The following ASCC1 variants were observed in gnomAD, a reference collection of about 807,000 sequenced individuals.
The protein encoded by ASCC1 is activating signal cointegrator 1 complex subunit 1, also known as ASC-1 complex subunit P50.
A neutral mutation model predicts 46.6 loss-of-function variants in ASCC1; 35 were observed. The observed-to-expected ratio is 0.75, with a 90% CI of 0.57 to 0.99. The LOEUF is 0.99. ASCC1 is among the 50% of genes least tolerant of loss of function. The pLI, the probability that ASCC1 is intolerant of heterozygous loss-of-function variation, is 0.00. For missense variants in ASCC1, 376 were observed against 428.7 expected, an observed-to-expected ratio of 0.88 and a Z score of 1.09; for synonymous variants, 143 against 146.6, an observed-to-expected ratio of 0.98 and a Z score of 0.18.
chr10:72,216,146 G>A (rs1371358850), intron 1 of ASCC1, 61 bp downstream of exon 1: 1 of 152,850 alleles, frequency 6.5e-6, no homozygotes, highest in Non-Finnish European at 1.5e-5. Flanking sequence ...GAGGTAAGAG[G>A]CCGAGGGGTC....
chr10:72,130,181 G>T (rs1279634107), intron 8 of ASCC1, among the ~76,000 whole-genome samples: 1 of 152,052 alleles, frequency 6.6e-6, no homozygotes, highest in Non-Finnish European at 1.5e-5. Context: ...TAGGCAAGTG[G>T]TGCCTAGGGC....
At chr10:72,108,287 G>A (rs1204763022) in intron 9 of ASCC1, among the ~76,000 whole-genome samples, 1 of 151,642 alleles carries the variant, frequency 6.6e-6, no homozygotes, top group Non-Finnish European at 1.5e-5. Context: ...ATGTTGCCCA[G>A]GCTGGTCTCA....
chr10:72,106,444 C>T (rs534007451), intron 9 of ASCC1, among the ~76,000 whole-genome samples: 1 of 152,332 alleles, frequency 6.6e-6, no homozygotes, highest in South Asian at 2.1e-4. Context: ...ATAGGAATAG[C>T]AAATGCATGC....
At chr10:72,103,586 T>C (rs1842034288) in intron 9 of ASCC1, among the ~76,000 whole-genome samples, 1 of 152,122 alleles carries the variant, frequency 6.6e-6, no homozygotes, top group African/African-American at 2.4e-5. Flanking sequence ...CAGGAAAGTC[T>C]CTCTCACCTT....
intron 5 of ASCC1, 28 bp downstream of exon 5, chr10:72,196,783 T>A (rs1855494497): frequency 1.9e-6 from 3 of 1,599,796 alleles, no homozygotes; most frequent in Non-Finnish European, 2.6e-6. Context: ...AACTTTTTTT[T>A]TAACCTTCTT....
rs765267945 is a variant in ASCC1 at position 72,210,767 on chromosome 10, G to C, written c.177C>G (p.Phe59Leu). ...AGCTGGGGGCCCTCAAAGTAGACCG[G>C]AATCCTTGTGGGGTCTGCTCCACCT... ...AYEVEQTPQGFRSTLRAPSLL... is the reference protein window; with the variant it reads ...AYEVEQTPQGLRSTLRAPSLL... The change falls in exon 3 of 10, where the codon TTC (phenylalanine) becomes TTG (leucine). Residue 59 changes from phenylalanine to leucine, a missense_variant. By Grantham distance (22) the Phe-to-Leu change is conservative (BLOSUM62 0). Coordinates refer to ENST00000672957, the MANE Select transcript of ASCC1 (RefSeq NM_001198800.3). The C allele has an allele frequency of 6.2e-7, 1 of 1,613,998 alleles. No individual in the cohort carries two copies. Among genetic ancestry groups the C allele is most frequent in the Admixed American group, 1.7e-5 (1 of 59,986 alleles).
At chr10:72,133,236 G>T in intron 7 of ASCC1, 55 bp from the exon 8 acceptor site, 3 of 1,579,720 alleles carry the variant, frequency 1.9e-6, no homozygotes, top group South Asian at 1.1e-5. Flanking sequence ...CTGAACATGC[G>T]ATTACCAATT....
chr10:72,173,234 A>C (rs1459987778), intron 5 of ASCC1, among the ~76,000 whole-genome samples: 1 of 151,964 alleles, frequency 6.6e-6, no homozygotes, highest in Non-Finnish European at 1.5e-5. Context: ...AGTCACTTTG[A>C]TATTCCATTG....
At position 72,151,660 on chromosome 10, in the gene ASCC1, C is replaced by G. The variant is rs563511996; in HGVS notation, c.746+1209G>C. Among the ~76,000 whole-genome samples, 3 of 152,094 alleles carry G rather than the reference C, an allele frequency of 2.0e-5. No homozygotes were observed. The South Asian group carries it at 6.2e-4, about 32-fold the overall frequency. The stretch of plus-strand genomic sequence containing the variant: ...AGTCTGTGCCAAGCACTATTTTAAG[C>G]ATTTTAAATAATTTAAGTAATTTAA... On this transcript the variant is annotated intron_variant, in intron 7 of 9. Coordinates refer to ENST00000672957, the MANE Select transcript of ASCC1 (RefSeq NM_001198800.3).
At chr10:72,179,463 G>A (rs904992354) in intron 5 of ASCC1, among the ~76,000 whole-genome samples, 1 of 152,148 alleles carries the variant, frequency 6.6e-6, no homozygotes, top group African/African-American at 2.4e-5. Flanking sequence ...TGTTTAACAG[G>A]ATATTTTTTT....
intron 9 of ASCC1, among the ~76,000 whole-genome samples, chr10:72,114,638 AAAAAG>A (rs1843299887): frequency 6.6e-6 from 1 of 152,002 alleles, no homozygotes; most frequent in African/African-American, 2.4e-5. Context: ...AAAAAAAAAA[AAAAAG>A]AAACATTTGC....
intron 9 of ASCC1, among the ~76,000 whole-genome samples, chr10:72,107,257 A>C (rs1842435772): frequency 6.6e-6 from 1 of 151,738 alleles, no homozygotes; most frequent in Non-Finnish European, 1.5e-5. Context: ...AGATCACTTT[A>C]TTGGGAGTTA....
intron 5 of ASCC1, among the ~76,000 whole-genome samples, chr10:72,177,127 C>G (rs61032735): frequency 1.3e-5 from 2 of 152,224 alleles, no homozygotes; most frequent in South Asian, 4.2e-4. Context: ...CATTTAATAA[C>G]TAGTGCATGA....
chr10:72,144,349 T>A (rs1423919130), intron 7 of ASCC1, among the ~76,000 whole-genome samples: 2 of 152,220 alleles, frequency 1.3e-5, no homozygotes, highest in African/African-American at 4.8e-5. Flanking sequence ...TTGCCTCATA[T>A]ATCTTTTTCC....
intron 5 of ASCC1, among the ~76,000 whole-genome samples, chr10:72,185,501 C>T (rs1564716705): frequency 6.6e-6 from 1 of 152,142 alleles, no homozygotes; most frequent in African/African-American, 2.4e-5. Flanking sequence ...CTATAACACA[C>T]ATGACTGACT....
chr10:72,173,916 G>A (rs532101860), intron 5 of ASCC1, among the ~76,000 whole-genome samples: 2 of 152,350 alleles, frequency 1.3e-5, no homozygotes, highest in Middle Eastern at 3.4e-3. Flanking sequence ...ACCCAGGCTG[G>A]CGCCTGAAAG....
chr10:72,190,031 C>T (rs1337579528), intron 5 of ASCC1: 22 of 758,504 alleles, frequency 2.9e-5, no homozygotes, highest in East Asian at 7.3e-5. Flanking sequence ...CTGGCAGTAC[C>T]GCCAGCTCTC....
intron 9 of ASCC1, among the ~76,000 whole-genome samples, chr10:72,116,950 T>C (rs192314609): frequency 6.6e-6 from 1 of 152,258 alleles, no homozygotes; most frequent in Non-Finnish European, 1.5e-5. Flanking sequence ...TTTTATTTTC[T>C]GCAATGGAGT....
At chr10:72,196,766 T>C (rs1160091715) in intron 5 of ASCC1, 45 bp downstream of exon 5, 14 of 1,558,314 alleles carry the variant, frequency 9.0e-6, no homozygotes, top group Non-Finnish European at 1.1e-5. Context: ...GTATTCTTTT[T>C]ATATTTAACT....
Sources: gnomAD v4.1 joint callset for allele counts (sites outside exome capture counted in the v4.1 genomes callset) on GRCh38, gnomAD v4.1.1 for gene constraint, MANE v1.5 for transcripts, NCBI Gene and HGNC (gene_info 2026-07-23, HGNC 2026-07-21) for gene names.